Variants in REG3A observed in about 807,000 individuals in gnomAD.
REG3A encodes regenerating islet-derived protein 3-alpha.
A neutral mutation model predicts 20.5 loss-of-function variants in REG3A; 15 were observed. The observed-to-expected ratio is 0.73, with a 90% confidence interval of 0.49 to 1.12. The LOEUF (loss-of-function observed/expected upper bound fraction) is 1.12. Ranked by LOEUF, REG3A falls within the 50% of genes most tolerant of loss-of-function variation. The pLI, the probability that REG3A is intolerant of heterozygous loss-of-function variation, is 0.00. For synonymous variants in REG3A, 93 were observed against 83.2 expected (o/e 1.12, Z -0.64); for missense variants, 224 against 213.1 (o/e 1.05, Z -0.32).
rs1469966482 is a variant in REG3A at position 79,157,261 on chromosome 2, C to A, written c.493G>T (p.Val165Leu). Residue 165 changes from valine to leucine, a missense_variant, in exon 6 of 6, where the codon GTG (valine) becomes TTG (leucine). Physicochemically the swap from Val to Leu is conservative, Grantham distance 32. Transcript: ENST00000305165. The stretch of plus-strand genomic sequence containing the variant: ...AACTTGCAGACATAGGGTAACCTCA[C>A]ATTACAGTTATAATCTTTCCACCTC... ...FLRWKDYNCN[V>L]RLPYVCKFTD 1 of 1,614,032 alleles carries A rather than the reference C, an allele frequency of 6.2e-7. No individual in the cohort carries two copies. The highest frequency in any genetic ancestry group is 1.7e-5 in the Admixed American group (1 of 60,018).
At position 79,157,157 on chromosome 2, in the gene REG3A, G is replaced by A. The variant is rs1673333076; in HGVS notation, c.*69C>T. On this transcript the variant is annotated 3_prime_UTR_variant, in exon 6 of 6. Coordinates refer to ENST00000305165, the MANE Select transcript of REG3A (RefSeq NM_002580.3). ...AAGCGAATATTCTCTTCCAGGGTGA[G>A]TCCTCACACTGGTCTCATGCCCATG... The A allele has an allele frequency of 3.3e-6, 4 of 1,199,014 alleles. No homozygotes were observed. The highest frequency in any genetic ancestry group is 1.5e-5 in the African/African-American group (1 of 66,792). 74.3% of individuals were successfully genotyped at this position (1,199,014 alleles called of 1,614,324 possible).
chr2:79,158,342 A>T lies in REG3A; in HGVS notation c.317T>A (p.Leu106His). The change falls in exon 4 of 6, where the codon CTC becomes CAC. Residue 106 changes from leucine (L) to histidine (H), a missense_variant. Physicochemically the swap from Leu to His is moderately conservative, Grantham distance 99. Coordinates refer to ENST00000305165, the MANE Select transcript of REG3A (RefSeq NM_002580.3). The stretch of plus-strand genomic sequence containing the variant: ...TACTGGCACCTGTGTGGGGTCATGG[A>T]GCCCAATCCAGACGTATGAGTAGCT... ...GNSYSYVWIGLHDPTQGTEPN... is the reference protein window; with the variant it reads ...GNSYSYVWIGHHDPTQGTEPN... 1 of 1,613,986 alleles carries T rather than the reference A, an allele frequency of 6.2e-7. No homozygotes were observed. The highest frequency in any genetic ancestry group is 8.5e-7 in the Non-Finnish European group (1 of 1,179,928).
chr2:79,159,337 C>G lies in REG3A; in HGVS notation c.69G>C (p.Gln23His), dbSNP rs115863131. 5 of 1,613,760 alleles carry G rather than the reference C, an allele frequency of 3.1e-6. No homozygotes were observed. Among genetic ancestry groups the G allele is most frequent in the Admixed American group, 1.7e-5 (1 of 59,974 alleles). ...MLLSCLMLLS[Q>H]VQGEEPQREL... Reference sequence around the variant, plus strand: ...GAGGCAAAGCAATCTCACCTTGAACCTGAGACAGCAGCATGAGGCAGGAAA... The same window carrying G: ...GAGGCAAAGCAATCTCACCTTGAACGTGAGACAGCAGCATGAGGCAGGAAA... The change falls in exon 2 of 6, where the codon CAG becomes CAC. Residue 23 changes from glutamine to histidine, a missense_variant. Gln to His is a conservative substitution (Grantham distance 24, BLOSUM62 0). Coordinates refer to ENST00000305165, the MANE Select transcript of REG3A (RefSeq NM_002580.3).
chr2:79,158,997 CCTCA>C, intron 2 of REG3A: 1 of 585,016 alleles, frequency 1.7e-6, no homozygotes, highest in East Asian at 2.8e-5. Context: ...TCAATACTCT[CCTCA>C]CTCTGGGCTG....
chr2:79,158,584 C>T (rs368373588), intron 3 of REG3A, 67 bp downstream of exon 3: 3 of 1,606,954 alleles, frequency 1.9e-6, no homozygotes, highest in African/African-American at 2.7e-5. Flanking sequence ...TCCCAAGGAA[C>T]TCTCCTGAAT....
At chr2:79,159,120 T>C (rs1186116576) in intron 2 of REG3A, 2 of 604,436 alleles carry the variant, frequency 3.3e-6, no homozygotes, top group East Asian at 2.8e-5. Flanking sequence ...GTCCACTGAC[T>C]AAATGGAAGC....
chr2:79,157,703 A>G lies in REG3A; in HGVS notation c.334-5T>C. ...TTCTCCATTGGGCTCGGTGCCCTGT[A>G]GAGTAGAGGAGGTAGCCAGGTGAAG... On this transcript the variant is annotated splice_polypyrimidine_tract_variant and splice_region_variant and intron_variant, in intron 4 of 5. Transcript: ENST00000305165. 1 of 1,613,196 alleles carries G rather than the reference A, an allele frequency of 6.2e-7. No individual in the cohort carries two copies. The highest frequency in any genetic ancestry group is 8.5e-7 in the Non-Finnish European group (1 of 1,179,474).
intron 4 of REG3A, among the ~76,000 whole-genome samples, chr2:79,158,045 C>A (rs921128813): frequency 6.6e-6 from 1 of 152,106 alleles, no homozygotes; most frequent in Non-Finnish European, 1.5e-5. Flanking sequence ...GAATAGTAGG[C>A]AAAGACTCCA....
intron 4 of REG3A, 48 bp downstream of exon 4, chr2:79,158,278 A>G: frequency 6.3e-7 from 1 of 1,591,986 alleles, no homozygotes; most frequent in Non-Finnish European, 8.6e-7. Context: ...GGGCCTGGGC[A>G]ACAATAGCAC....
At chr2:79,158,984 C>T (rs1673384640) in intron 2 of REG3A, 2 of 589,386 alleles carry the variant, frequency 3.4e-6, no homozygotes, top group Non-Finnish European at 6.0e-6. Context: ...CTTATTCAAC[C>T]ATTCAATACT....
intron 2 of REG3A, 132 bp downstream of exon 2, chr2:79,159,198 G>T: frequency 1.1e-6 from 1 of 899,758 alleles, no homozygotes; most frequent in Non-Finnish European, 1.8e-6. Flanking sequence ...AGGAAGGAGA[G>T]ATGATGCAAG....
At position 79,158,421 on chromosome 2, in the gene REG3A, G is replaced by A. The variant is rs765861996; in HGVS notation, c.238C>T (p.Leu80Phe). The A allele has an allele frequency of 1.2e-6, 2 of 1,614,166 alleles. No homozygotes were observed. Among genetic ancestry groups the A allele is most frequent in the Non-Finnish European group, 8.5e-7 (1 of 1,180,024 alleles). ...KRPSGNLVSV[L>F]SGAEGSFVSS... ...ACGAAGGATCCCTCAGCCCCACTGA[G>A]CACAGACACCAGGTTTCCAGAGGGC... is the stretch of plus-strand genomic sequence containing the variant. Residue 80 changes from leucine to phenylalanine, a missense_variant, in exon 4 of 6, where the codon CTC becomes TTC. Transcript: ENST00000305165.
rs1481704943 is a variant in REG3A at position 79,157,049 on chromosome 2, T to C, written c.*177A>G. ...TTGCTCTTTAAAGCCTTAGGCCGTA[T>C]GACAAAATGAAGAGACTGAAATGAC... On this transcript the variant is annotated 3_prime_UTR_variant, in exon 6 of 6. Transcript: ENST00000305165. 1 of 622,584 alleles carries C rather than the reference T, an allele frequency of 1.6e-6. No individual in the cohort carries two copies. The highest frequency in any genetic ancestry group is 2.8e-6 in the Non-Finnish European group (1 of 351,604). The allele number at this position is 622,584 out of a possible 1,614,324, so 38.6% of individuals were successfully genotyped here.
At position 79,157,009 on chromosome 2, in the gene REG3A, A is replaced by G; in HGVS notation, c.*217T>C. ...TGGCATATACAAGACAAACAAGTGC[A>G]GACTAAAAATTTTATTGCTCTTTAA... On this transcript the variant is annotated 3_prime_UTR_variant, in exon 6 of 6. Coordinates refer to ENST00000305165, the MANE Select transcript of REG3A (RefSeq NM_002580.3). The G allele has an allele frequency of 1.7e-6, 1 of 590,014 alleles. No individual in the cohort carries two copies. Among genetic ancestry groups the G allele is most frequent in the South Asian group, 2.2e-5 (1 of 44,688 alleles). The allele number at this position is 590,014 out of a possible 1,614,324, so 36.5% of individuals were successfully genotyped here.
chr2:79,158,050 A>G (rs1270165385), intron 4 of REG3A, among the ~76,000 whole-genome samples: 1 of 152,128 alleles, frequency 6.6e-6, no homozygotes, highest in East Asian at 1.9e-4. Flanking sequence ...GTAGGCAAAG[A>G]CTCCATGAAG....
chr2:79,159,399 G>T lies in REG3A; in HGVS notation c.7C>A (p.Pro3Thr). The T allele has an allele frequency of 6.2e-7, 1 of 1,613,872 alleles. No homozygotes were observed. Among genetic ancestry groups the T allele is most frequent in the Non-Finnish European group, 8.5e-7 (1 of 1,179,970 alleles). Residue 3 changes from proline to threonine, a missense_variant, in exon 2 of 6, where the codon CCT becomes ACT. Coordinates refer to ENST00000305165, the MANE Select transcript of REG3A (RefSeq NM_002580.3). The stretch of plus-strand genomic sequence containing the variant: ...GATACACTGGGCAGGGCCATGGGAG[G>T]CAGCATAGTGTCTGCGACTTGAGGA... ML[P>T]PMALPSVSWM...
chr2:79,159,257 A>G lies in REG3A; in HGVS notation c.76+73T>C, dbSNP rs1005097312. ...ACCACGTCATTACCTCACATGACAC[A>G]CAGGAGCCTTCCTCCTCTTGTTAGC... On this transcript the variant is annotated intron_variant, in intron 2 of 5. Coordinates refer to ENST00000305165, the MANE Select transcript of REG3A (RefSeq NM_002580.3). The G allele has an allele frequency of 2.0e-6, 3 of 1,504,030 alleles. No individual in the cohort carries two copies. The African/African-American group carries it at 4.1e-5, about 21-fold the overall frequency. 93.2% of individuals were successfully genotyped at this position (1,504,030 alleles called of 1,614,324 possible). A position where few individuals can be genotyped will look rare whatever the true frequency, so the allele number is the denominator to read the frequency against.
In REG3A at chr2:79,157,189, T is replaced by G. The variant is rs149222950; in HGVS notation, c.*37A>C. 6.4e-7 allele frequency: 1 copy of G among 1,555,730 alleles called. No individual in the cohort carries two copies. The highest frequency in any genetic ancestry group is 1.4e-5 in the African/African-American group (1 of 73,790). On this transcript the variant is annotated 3_prime_UTR_variant, in exon 6 of 6. Transcript: ENST00000305165. ...CACTGGTCTCATGCCCATGATGAGT[T>G]GCACACCAAACACAGGCTGCTGACT...
intron 2 of REG3A, 119 bp downstream of exon 2, chr2:79,159,211 C>G: frequency 2.9e-6 from 3 of 1,042,772 alleles, no homozygotes; most frequent in South Asian, 1.4e-5. Flanking sequence ...GATGCAAGAA[C>G]TGCAGGCAGG....
Sources: gnomAD v4.1 joint callset for allele counts (sites outside exome capture counted in the v4.1 genomes callset) on GRCh38, gnomAD v4.1.1 for gene constraint, MANE v1.5 for transcripts, NCBI Gene and HGNC (gene_info 2026-07-23, HGNC 2026-07-21) for gene names.